The following BAZ2B variants were observed in gnomAD, a reference collection of about 807,000 sequenced individuals.
BAZ2B encodes bromodomain adjacent to zinc finger domain 2B.
A neutral mutation model predicts 246.0 loss-of-function variants in BAZ2B; 91 were observed. That is an observed-to-expected ratio of 0.37 (90% CI 0.31 to 0.44). BAZ2B has a LOEUF of 0.44. Ranked by LOEUF, BAZ2B falls within the 20% of genes least tolerant of loss-of-function variation. The probability of loss-of-function intolerance (pLI) is 1.00; values close to 1 mark genes in which losing one functional copy is unlikely to be tolerated. For synonymous variants in BAZ2B, 855 were observed against 860.0 expected (o/e 0.99, Z 0.10); for missense variants, 2,332 against 2,533.7 (o/e 0.92, Z 1.71).
intron 2 of BAZ2B, among the ~76,000 whole-genome samples, chr2:159,534,965 G>GT (rs1414329102): frequency 1.1e-4 from 17 of 152,094 alleles, no homozygotes; most frequent in African/African-American, 3.9e-4. Context: ...TTTAACAAAC[G>GT]TAAAAAAGGG....
At chr2:159,539,784 CT>C (rs1005060092) in intron 2 of BAZ2B, among the ~76,000 whole-genome samples, 3 of 151,744 alleles carry the variant, frequency 2.0e-5, no homozygotes, top group Non-Finnish European at 2.9e-5. Flanking sequence ...GAAGCTTAAA[CT>C]TTTTTTTTAA....
At chr2:159,400,508 G>A in intron 17 of BAZ2B, 91 bp downstream of exon 17, 1 of 747,992 alleles carries the variant, frequency 1.3e-6, no homozygotes, top group Non-Finnish European at 2.2e-6. Context: ...AACAATTTGT[G>A]TGAGAAAACA....
chr2:159,574,124 C>G (rs1684681985), intron 1 of BAZ2B, among the ~76,000 whole-genome samples: 2 of 105,270 alleles, frequency 1.9e-5, no homozygotes, highest in Non-Finnish European at 3.9e-5. Context: ...CTGACAGACA[C>G]ACACACACAC....
At chr2:159,700,515 G>A in the BAZ2B span, among the ~76,000 whole-genome samples, 2 of 152,090 alleles carry the variant, frequency 1.3e-5, no homozygotes, top group Non-Finnish European at 2.9e-5. Flanking sequence ...GTGCGATCTC[G>A]GCTCACTGCA....
intron 13 of BAZ2B, among the ~76,000 whole-genome samples, chr2:159,417,444 T>C (rs1175857445): frequency 3.9e-5 from 6 of 152,220 alleles, no homozygotes; most frequent in Non-Finnish European, 7.3e-5. Flanking sequence ...GTGTTTGGAT[T>C]ACATGCGTGC....
chr2:159,616,465 C>A lies in BAZ2B; in HGVS notation c.-269G>T, dbSNP rs1696121923. The A allele has an allele frequency of 6.6e-6, 1 of 152,168 alleles. No homozygotes were observed. Among genetic ancestry groups the A allele is most frequent in the African/African-American group, 2.4e-5 (1 of 41,436 alleles). 9.4% of individuals were successfully genotyped at this position (152,168 alleles called of 1,614,324 possible). On this transcript the variant is annotated 5_prime_UTR_variant, in exon 1 of 37. Coordinates refer to ENST00000392783, the MANE Select transcript of BAZ2B (RefSeq NM_013450.4). ...TCTCTCTCTCTGATTAGTTCCTATC[C>A]AGCAGCAGATTGAAGCAGGAGATGA...
At chr2:159,538,854 G>T (rs2086316823) in intron 2 of BAZ2B, among the ~76,000 whole-genome samples, 2 of 152,138 alleles carry the variant, frequency 1.3e-5, no homozygotes, top group East Asian at 3.9e-4. Flanking sequence ...AAAAGGAAGG[G>T]GAAGAGGACA....
At chr2:159,505,653 T>C (rs1038281791) in intron 2 of BAZ2B, among the ~76,000 whole-genome samples, 12 of 152,082 alleles carry the variant, frequency 7.9e-5, no homozygotes, top group South Asian at 2.1e-4. Flanking sequence ...TATAAGGGAA[T>C]GGGAAAATAT....
At chr2:159,493,265 A>G (rs1393287086) in intron 2 of BAZ2B, among the ~76,000 whole-genome samples, 1 of 152,236 alleles carries the variant, frequency 6.6e-6, no homozygotes, top group African/African-American at 2.4e-5. Context: ...AATTAAAATT[A>G]AATAAAATTT....
intron 3 of BAZ2B, chr2:159,462,400 T>C: frequency 7.8e-7 from 1 of 1,276,290 alleles, no homozygotes; most frequent in Non-Finnish European, 1.1e-6. Flanking sequence ...CCTTTAGGCA[T>C]TCTGCATTTC....
intron 2 of BAZ2B, among the ~76,000 whole-genome samples, chr2:159,527,319 G>C (rs1477754178): frequency 1.3e-5 from 2 of 151,924 alleles, no homozygotes; most frequent in Non-Finnish European, 2.9e-5. Flanking sequence ...TTTTACTATT[G>C]AGTTTTTAGT....
At chr2:159,358,177 TAA>T (rs1286281643) in intron 27 of BAZ2B, among the ~76,000 whole-genome samples, 5 of 152,194 alleles carry the variant, frequency 3.3e-5, no homozygotes, top group Non-Finnish European at 2.9e-5. Context: ...GCAAATTGGA[TAA>T]AGAGTCAAGA....
intron 27 of BAZ2B, among the ~76,000 whole-genome samples, chr2:159,367,152 G>A (rs2060306151): frequency 6.6e-6 from 1 of 152,188 alleles, no homozygotes; most frequent in Non-Finnish European, 1.5e-5. Flanking sequence ...TGAGATATAT[G>A]TTGTTTCTTA....
upstream of BAZ2B, among the ~76,000 whole-genome samples, chr2:159,618,408 TTTAA>T (rs1696291695): frequency 6.6e-6 from 1 of 152,180 alleles, no homozygotes; most frequent in African/African-American, 2.4e-5. Flanking sequence ...TTAACTCATA[TTTAA>T]TTAACTCGGA....
chr2:159,704,099 C>T, the BAZ2B span, among the ~76,000 whole-genome samples: 1 of 152,134 alleles, frequency 6.6e-6, no homozygotes, highest in African/African-American at 2.4e-5. Context: ...AAATGGCATG[C>T]TTGCTGTCAA....
intron 2 of BAZ2B, among the ~76,000 whole-genome samples, chr2:159,480,829 A>G (rs1256247698): frequency 6.6e-6 from 1 of 152,078 alleles, no homozygotes; most frequent in African/African-American, 2.4e-5. Context: ...TGCTTATGTA[A>G]CCATTTTCCT....
chr2:159,620,273 T>G (rs1198314066), upstream of BAZ2B, among the ~76,000 whole-genome samples: 1 of 152,206 alleles, frequency 6.6e-6, no homozygotes, highest in Non-Finnish European at 1.5e-5. Context: ...TATAACAAGC[T>G]GGCCACTGTT....
chr2:159,641,378 T>C, the BAZ2B span, among the ~76,000 whole-genome samples: 1 of 152,190 alleles, frequency 6.6e-6, no homozygotes. Flanking sequence ...TTGAAAAGTG[T>C]TTGTTCATGT....
intron 27 of BAZ2B, among the ~76,000 whole-genome samples, chr2:159,356,615 G>C (rs193106782): frequency 1.3e-5 from 2 of 152,196 alleles, no homozygotes; most frequent in Non-Finnish European, 2.9e-5. Flanking sequence ...CAGCACAGTA[G>C]TCAAGCTCTG....
Sources: gnomAD v4.1 joint callset for allele counts (sites outside exome capture counted in the v4.1 genomes callset) on GRCh38, gnomAD v4.1.1 for gene constraint, MANE v1.5 for transcripts, NCBI Gene and HGNC (gene_info 2026-07-23, HGNC 2026-07-21) for gene names.